SRBD1: variants seen among roughly 807,000 people sequenced by gnomAD.
The protein encoded by SRBD1 is S1 RNA-binding domain-containing protein 1.
A neutral mutation model predicts 115.3 loss-of-function variants in SRBD1; 88 were observed. The observed-to-expected ratio is 0.76, with a 90% CI of 0.64 to 0.91. SRBD1 has a LOEUF of 0.91. Ranked by LOEUF, SRBD1 falls within the 40% of genes least tolerant of loss-of-function variation. The probability of loss-of-function intolerance (pLI) is 0.00; values close to 1 mark genes in which losing one functional copy is unlikely to be tolerated. For synonymous variants in SRBD1, 509 were observed against 407.7 expected, an observed-to-expected ratio of 1.25 and a Z score of -2.99; for missense variants, 1,385 against 1,177.4, an observed-to-expected ratio of 1.18 and a Z score of -2.58.
In SRBD1 at chr2:45,392,991, G is replaced by A. The variant is rs200850718; in HGVS notation, c.2652C>T (p.Val884=). 177 of 1,612,868 alleles carry A rather than the reference G, an allele frequency of 1.1e-4. No individual in the cohort carries two copies. Among genetic ancestry groups the A allele is most frequent in the Middle Eastern group, 3.3e-4 (2 of 6,078 alleles). The stretch of plus-strand genomic sequence containing the variant: ...CAGGCTGGCTGAGACCATCTATGAT[G>A]ACCTGTAAGGTGTGTACTGTTGTTT... ...RLQTTVHTLQ[V]IIDGLSQPES... The change falls in exon 20 of 21, where the codon GTC becomes GTT. Residue 884 remains valine (V), a synonymous_variant. Transcript: ENST00000263736.
intron 11 of SRBD1, 36 bp from the exon 12 acceptor site, chr2:45,551,318 C>T: frequency 6.4e-7 from 1 of 1,569,384 alleles, no homozygotes; most frequent in South Asian, 1.2e-5. Flanking sequence ...GTTTTTCATT[C>T]ACCCAAATTT....
chr2:45,420,458 T>C (rs1465700247), intron 16 of SRBD1, among the ~76,000 whole-genome samples: 2 of 152,256 alleles, frequency 1.3e-5, no homozygotes, highest in Admixed American at 6.5e-5. Flanking sequence ...CCATTTTATA[T>C]ACCACTAAGG....
intron 14 of SRBD1, among the ~76,000 whole-genome samples, chr2:45,536,807 A>G (rs1293124374): frequency 6.6e-6 from 1 of 152,152 alleles, no homozygotes; most frequent in East Asian, 1.9e-4. Context: ...TATTTCTAAA[A>G]GCTTTCTAAC....
chr2:45,574,767 CG>C, intron 7 of SRBD1, 44 bp from the exon 8 acceptor site: 1 of 1,501,118 alleles, frequency 6.7e-7, no homozygotes. Context: ...AAAAAGTATA[CG>C]ATTGGTTTTA....
At chr2:45,389,860 G>A (rs775795941) in intron 20 of SRBD1, among the ~76,000 whole-genome samples, 16 of 152,148 alleles carry the variant, frequency 1.1e-4, no homozygotes, top group Non-Finnish European at 2.4e-4. Flanking sequence ...CATAAGGATC[G>A]AGAAGACAGT....
intron 4 of SRBD1, among the ~76,000 whole-genome samples, chr2:45,594,648 T>C (rs1673837362): frequency 6.6e-6 from 1 of 152,230 alleles, no homozygotes; most frequent in Non-Finnish European, 1.5e-5. Flanking sequence ...AATACATTCA[T>C]GTATAATGTC....
chr2:45,532,172 C>T (rs1236919304), intron 14 of SRBD1, among the ~76,000 whole-genome samples: 4 of 120,342 alleles, frequency 3.3e-5, no homozygotes, highest in African/African-American at 1.1e-4. Context: ...CCACCATCAG[C>T]ACCATCAGCA....
chr2:45,594,685 T>C (rs893372811), intron 4 of SRBD1, among the ~76,000 whole-genome samples: 10 of 152,282 alleles, frequency 6.6e-5, no homozygotes, highest in Admixed American at 3.3e-4. Context: ...GAAGCCATTG[T>C]TTTGGATGAA....
At chr2:45,532,729 T>C (rs573346998) in intron 14 of SRBD1, among the ~76,000 whole-genome samples, 2 of 151,630 alleles carry the variant, frequency 1.3e-5, no homozygotes, top group Non-Finnish European at 3.0e-5. Flanking sequence ...AAAAGAGGTA[T>C]TTCATTAAGT....
At chr2:45,546,232 G>C in intron 14 of SRBD1, 1 of 985,390 alleles carries the variant, frequency 1.0e-6, no homozygotes, top group Non-Finnish European at 1.2e-6. Context: ...CAAGTTATCT[G>C]TATGCCTATA....
In SRBD1 at chr2:45,422,132, G is replaced by GA. The variant is rs146812372; in HGVS notation, c.2050-2239dup. Among the ~76,000 whole-genome samples the GA allele has an allele frequency of 8.0e-3, 1,210 of 152,134 alleles. 14 individuals carry two copies. Among genetic ancestry groups the GA allele is most frequent in the African/African-American group, 0.028 (1,142 of 41,510 alleles). On this transcript the variant is annotated intron_variant, in intron 16 of 20. Coordinates refer to ENST00000263736, the MANE Select transcript of SRBD1 (RefSeq NM_018079.5). Reference sequence around the variant, plus strand: ...GGAACACAAAACTACAAACAAACCGGAAAAAGGAAGAATAATCGTTAAGAG... The same window carrying GA: ...GGAACACAAAACTACAAACAAACCGGAAAAAAGGAAGAATAATCGTTAAGAG...
chr2:45,547,674 AT>A lies in SRBD1; in HGVS notation c.1676-63del, dbSNP rs1185613134. The stretch of plus-strand genomic sequence containing the variant: ...AATTACAAAGTGAAACACATGAATG[AT>A]TTTGTTAAGCAAGTTGTAACAGAAA... On this transcript the variant is annotated intron_variant, in intron 12 of 20. Transcript: ENST00000263736. The A allele has an allele frequency of 3.6e-6, 5 of 1,407,870 alleles. No individual in the cohort carries two copies. In the Admixed American group the frequency reaches 8.1e-5, roughly 23 times the overall value. The allele number at this position is 1,407,870 out of a possible 1,614,324, so 87.2% of individuals were successfully genotyped here.
At chr2:45,544,770 T>G (rs914334540) in intron 14 of SRBD1, among the ~76,000 whole-genome samples, 4 of 152,198 alleles carry the variant, frequency 2.6e-5, no homozygotes, top group African/African-American at 7.2e-5. Flanking sequence ...AATTTATATT[T>G]ATAATAAAAG....
intron 2 of SRBD1, among the ~76,000 whole-genome samples, 166 bp downstream of exon 2, chr2:45,605,196 C>G (rs1017651059): frequency 6.6e-6 from 1 of 152,200 alleles, no homozygotes; most frequent in Non-Finnish European, 1.5e-5. Context: ...CAACACTAGA[C>G]AGAACCTGGA....
chr2:45,397,024 T>G (rs1667165993), intron 19 of SRBD1, among the ~76,000 whole-genome samples: 2 of 152,302 alleles, frequency 1.3e-5, no homozygotes, highest in East Asian at 3.9e-4. Flanking sequence ...CAAGAGACTT[T>G]CCTACTTGTC....
intron 14 of SRBD1, among the ~76,000 whole-genome samples, chr2:45,522,369 G>A (rs1671312529): frequency 6.6e-6 from 1 of 152,052 alleles, no homozygotes. Context: ...AGTAGAGATG[G>A]AGTTTACCAT....
At chr2:45,521,669 A>G (rs72880700) in intron 14 of SRBD1, among the ~76,000 whole-genome samples, 2,045 of 152,132 alleles carry the variant, frequency 0.013, 48 homozygotes, top group African/African-American at 0.047. Context: ...CAGCAATTAC[A>G]CTCCTAGGTA....
rs532665953 is a variant in SRBD1, at chr2:45,475,327, C to T, written c.2049+1666G>A. On this transcript the variant is annotated intron_variant, in intron 16 of 20. Coordinates refer to ENST00000263736, the MANE Select transcript of SRBD1 (RefSeq NM_018079.5). The stretch of plus-strand genomic sequence containing the variant: ...TTCTCACCTGGGCTAGTACAAGAGC[C>T]TCCTAGCTGTTCTATTGCTTCTCTT... Among the ~76,000 whole-genome samples, 65 of 152,288 alleles carry T rather than the reference C, an allele frequency of 4.3e-4. 2 individuals are homozygous for T. In the South Asian group the frequency reaches 0.013, roughly 30 times the overall value.
At chr2:45,479,493 A>T (rs1410400112) in intron 15 of SRBD1, among the ~76,000 whole-genome samples, 1 of 152,202 alleles carries the variant, frequency 6.6e-6, no homozygotes, top group East Asian at 1.9e-4. Context: ...CTGAGTGATT[A>T]AACCAGCCAC....
Sources: allele counts gnomAD v4.1 joint callset (sites outside exome capture counted in the v4.1 genomes callset), GRCh38; gene constraint gnomAD v4.1.1; transcripts MANE v1.5; gene names NCBI Gene and HGNC (gene_info 2026-07-23, HGNC 2026-07-21).